Variants in SPHKAP observed in about 807,000 individuals in gnomAD.
The protein encoded by SPHKAP is SPHK1 interactor, AKAP domain containing.
Under a neutral mutation model 137.5 loss-of-function variants are expected in SPHKAP, and 67 were observed. The ratio of observed to expected loss-of-function variants is 0.49; its 90% CI spans 0.40 to 0.60. The LOEUF (loss-of-function observed/expected upper bound fraction) is 0.60. Ranked by LOEUF, SPHKAP falls within the 20% of genes least tolerant of loss-of-function variation. The probability of loss-of-function intolerance (pLI) is 0.00; values close to 1 mark genes in which losing one functional copy is unlikely to be tolerated. For missense variants in SPHKAP, 2,097 were observed against 2,069.3 expected (o/e 1.01, Z -0.26); for synonymous variants, 813 against 785.3 (o/e 1.04, Z -0.59).
chr2:228,132,911 T>A (rs1574879819), intron 1 of SPHKAP, among the ~76,000 whole-genome samples: 1 of 150,330 alleles, frequency 6.7e-6, no homozygotes, highest in Admixed American at 6.6e-5. Context: ...GGCTGAGGTA[T>A]GAGAATCGTT....
In SPHKAP at chr2:227,991,049, C is replaced by A. The variant is rs746889542; in HGVS notation, c.4910G>T (p.Gly1637Val). The change falls in exon 11 of 12, where the codon GGG becomes GTG. Residue 1637 changes from glycine (G) to valine (V), a missense_variant. By Grantham distance (109) the Gly-to-Val change is moderately radical (BLOSUM62 -3). Transcript: ENST00000392056. ...TTTCTTAAAGTAGATGGTGGGAATC[C>A]CCAGTTCAGAGGCAGCTATCCACTG... is the stretch of plus-strand genomic sequence containing the variant. The part of the protein sequence containing the change: ...TLQWIAASEL[G>V]IPTIYFKKSQ... 1.2e-4 allele frequency: 199 copies of A among 1,613,962 alleles called. 1 individual carries two copies. Among genetic ancestry groups the A allele is most frequent in the Non-Finnish European group, 1.6e-4 (194 of 1,180,016 alleles).
intron 1 of SPHKAP, among the ~76,000 whole-genome samples, chr2:228,158,080 C>T (rs905751133): frequency 2.6e-5 from 4 of 152,138 alleles, no homozygotes; most frequent in African/African-American, 7.2e-5. Flanking sequence ...GAATGGACAA[C>T]ACACAGATTC....
intron 7 of SPHKAP, among the ~76,000 whole-genome samples, chr2:228,013,592 T>C (rs1016407546): frequency 2.6e-5 from 4 of 152,178 alleles, no homozygotes; most frequent in Non-Finnish European, 4.4e-5. Context: ...AGGGTAATCA[T>C]ATACCCTAAC....
chr2:228,042,575 C>T (rs1056876869), intron 3 of SPHKAP, among the ~76,000 whole-genome samples: 2 of 151,900 alleles, frequency 1.3e-5, no homozygotes, highest in African/African-American at 4.8e-5. Flanking sequence ...TTTGTTTGTT[C>T]TGGAAATTTA....
intron 3 of SPHKAP, among the ~76,000 whole-genome samples, chr2:228,061,338 A>G (rs771847567): frequency 6.6e-6 from 1 of 152,004 alleles, no homozygotes; most frequent in Non-Finnish European, 1.5e-5. Flanking sequence ...ATCTCGGCTC[A>G]CTGCAACCTT....
chr2:228,140,766 C>T (rs895766975), intron 1 of SPHKAP, among the ~76,000 whole-genome samples: 1 of 152,072 alleles, frequency 6.6e-6, no homozygotes, highest in Admixed American at 6.6e-5. Context: ...TAGTGACTGA[C>T]TTTTCGTGAG....
chr2:228,012,163 C>CAAAA (rs544782857), intron 7 of SPHKAP, among the ~76,000 whole-genome samples: 438 of 84,506 alleles, frequency 5.2e-3, no homozygotes, highest in Non-Finnish European at 7.0e-3. Context: ...GACTCTACCT[C>CAAAA]AAAAAAAAAA....
chr2:228,085,096 A>C (rs1697496082), intron 3 of SPHKAP, among the ~76,000 whole-genome samples: 1 of 152,236 alleles, frequency 6.6e-6, no homozygotes, highest in Non-Finnish European at 1.5e-5. Context: ...CAGAAAAATC[A>C]TGCTGTTCTC....
At position 228,125,994 on chromosome 2, in the gene SPHKAP, C is replaced by T. The variant is rs560089234; in HGVS notation, c.138+5986G>A. Among the ~76,000 whole-genome samples the T allele has an allele frequency of 1.6e-4, 24 of 152,170 alleles. 1 individual carries two copies. Among genetic ancestry groups the T allele is most frequent in the East Asian group, 1.2e-3 (6 of 5,176 alleles). The stretch of plus-strand genomic sequence containing the variant: ...ACTTGGGAGGCTGAGGCAGGAGAAA[C>T]GCTTGAACCCAAGAAGCAGAGGTTG... On this transcript the variant is annotated intron_variant, in intron 2 of 11. Transcript: ENST00000392056.
In SPHKAP at chr2:227,981,873, G is replaced by A. The variant is rs764205530; in HGVS notation, c.4960-13C>T. The A allele has an allele frequency of 1.1e-5, 17 of 1,610,212 alleles. No individual in the cohort carries two copies. Among genetic ancestry groups the A allele is most frequent in the Admixed American group, 1.7e-5 (1 of 59,712 alleles). On this transcript the variant is annotated splice_polypyrimidine_tract_variant and intron_variant, in intron 11 of 11. Transcript: ENST00000392056. ...CGACATCTAGAAACTAAAATAAAAC[G>A]GAGAGTTAGGGCTCACAGAGCACAG...
rs138020531 is a variant in SPHKAP, at chr2:228,086,477, T to C, written c.246+22355A>G. 3.9e-5 allele frequency among the ~76,000 whole-genome samples: 6 copies of C among 152,168 alleles called. No individual in the cohort carries two copies. In the East Asian group the frequency reaches 5.8e-4, roughly 15 times the overall value. ...ATTTCTCATCCCTTTTAGCTCCAAA[T>C]TGAAGATACTAAATTCTCAATGAGT... On this transcript the variant is annotated intron_variant, in intron 3 of 11. Coordinates refer to ENST00000392056, the MANE Select transcript of SPHKAP (RefSeq NM_001142644.2).
intron 7 of SPHKAP, chr2:227,996,136 C>A (rs1320412370): frequency 2.2e-5 from 22 of 985,208 alleles, no homozygotes; most frequent in Non-Finnish European, 2.7e-5. Flanking sequence ...AAAATACCTA[C>A]CCCGTTTCTG....
rs1229120736 is a variant in SPHKAP, at chr2:228,020,022, TG to T, written c.831del (p.Thr278HisfsTer3). 1 of 1,614,090 alleles carries T rather than the reference TG, an allele frequency of 6.2e-7. No homozygotes were observed. Among genetic ancestry groups the T allele is most frequent in the Non-Finnish European group, 8.5e-7 (1 of 1,180,026 alleles). ...ALEDKYINKY[P>X]TPLIKTERSP... ...GATCGTTCTGTTTTAATCAATGGTG[TG>T]GGATATTTGTTGATGTATTTGTCTT... On this transcript the variant is annotated frameshift_variant, in exon 7 of 12. Coordinates refer to ENST00000392056, the MANE Select transcript of SPHKAP (RefSeq NM_001142644.2). LOFTEE classifies it high-confidence loss of function.
intron 3 of SPHKAP, among the ~76,000 whole-genome samples, chr2:228,052,266 C>T (rs1318719930): frequency 6.6e-6 from 1 of 151,762 alleles, no homozygotes; most frequent in Admixed American, 6.6e-5. Context: ...TTTCTACTGG[C>T]AATGGTAGAG....
intron 11 of SPHKAP, among the ~76,000 whole-genome samples, chr2:227,987,129 T>C (rs1693240751): frequency 6.6e-6 from 1 of 152,190 alleles, no homozygotes; most frequent in South Asian, 2.1e-4. Flanking sequence ...CAGAATCACA[T>C]CACTTGTGGG....
At chr2:228,029,688 C>A (rs1265316226) in intron 3 of SPHKAP, among the ~76,000 whole-genome samples, 1 of 152,164 alleles carries the variant, frequency 6.6e-6, no homozygotes, top group Non-Finnish European at 1.5e-5. Flanking sequence ...AGCTCAGAAG[C>A]AGTTCATGAT....
chr2:228,133,695 A>G (rs2106377672), intron 1 of SPHKAP, among the ~76,000 whole-genome samples: 1 of 152,196 alleles, frequency 6.6e-6, no homozygotes, highest in East Asian at 1.9e-4. Context: ...AGATCAGTTA[A>G]ATAAACAATT....
At chr2:228,134,616 T>A (rs1475160565) in intron 1 of SPHKAP, among the ~76,000 whole-genome samples, 1 of 152,196 alleles carries the variant, frequency 6.6e-6, no homozygotes, top group Non-Finnish European at 1.5e-5. Flanking sequence ...CAGCTATTAT[T>A]GTTAGGTTCT....
intron 9 of SPHKAP, 174 bp from the exon 10 acceptor site, chr2:227,991,500 T>C (rs1338535772): frequency 2.0e-6 from 2 of 985,306 alleles, no homozygotes; most frequent in African/African-American, 1.7e-5. Flanking sequence ...TTATGTAAGA[T>C]CACTGGGTCT....
Sources: allele counts gnomAD v4.1 joint callset (sites outside exome capture counted in the v4.1 genomes callset), GRCh38; gene constraint gnomAD v4.1.1; transcripts MANE v1.5; gene names NCBI Gene and HGNC (gene_info 2026-07-23, HGNC 2026-07-21).